Variants in APPBP2 observed in about 807,000 individuals in gnomAD.
APPBP2 encodes the protein amyloid protein-binding protein 2.
Under a neutral mutation model 76.0 loss-of-function variants are expected in APPBP2, and 15 were observed. The ratio of observed to expected loss-of-function variants is 0.20; its 90% CI spans 0.13 to 0.30. APPBP2 has a LOEUF of 0.30. Ranked by LOEUF, APPBP2 falls within the 10% of genes least tolerant of loss-of-function variation. The pLI is 1.00. For missense variants in APPBP2, 401 were observed against 687.2 expected (o/e 0.58, Z 4.66); for synonymous variants, 222 against 242.2 (o/e 0.92, Z 0.77).
chr17:60,453,193 T>C (rs983014151), intron 11 of APPBP2, among the ~76,000 whole-genome samples: 5 of 152,186 alleles, frequency 3.3e-5, no homozygotes, highest in Non-Finnish European at 7.3e-5. Context: ...TACTTTCATA[T>C]ATTAATCTTT....
intron 3 of APPBP2, among the ~76,000 whole-genome samples, chr17:60,490,277 C>T (rs986759506): frequency 1.3e-5 from 2 of 152,146 alleles, no homozygotes; most frequent in African/African-American, 2.4e-5. Flanking sequence ...TATTGCCCTA[C>T]AGTTATATAA....
chr17:60,461,858 G>A lies in APPBP2; in HGVS notation c.888C>T (p.Phe296=). ...AGATATTATCTACATTGAGTAAGTA[G>A]AACCCATAATCTAGCAGTGTATCAG... ...KYSDTLLDYG[F]YLLNVDNICQ... is the part of the protein sequence containing the mutation. Residue 296 remains phenylalanine, a synonymous_variant, in exon 8 of 13, where the codon TTC becomes TTT. Coordinates refer to ENST00000083182, the MANE Select transcript of APPBP2 (RefSeq NM_006380.5). 6.2e-7 allele frequency: 1 copy of A among 1,613,128 alleles called. No homozygotes were observed. Among genetic ancestry groups the A allele is most frequent in the East Asian group, 2.2e-5 (1 of 44,766 alleles).
chr17:60,524,413 T>G (rs1397287299), intron 1 of APPBP2, among the ~76,000 whole-genome samples: 1 of 152,100 alleles, frequency 6.6e-6, no homozygotes, highest in East Asian at 1.9e-4. Flanking sequence ...CAAAATTTCC[T>G]TAGAATACAC....
intron 4 of APPBP2, among the ~76,000 whole-genome samples, chr17:60,474,584 T>C (rs562621295): frequency 1.1e-4 from 17 of 152,352 alleles, no homozygotes; most frequent in African/African-American, 3.8e-4. Flanking sequence ...TACTACTTTG[T>C]TGTTCAAAAT....
Position 60,526,085 on chromosome 17 carries a change from G to A in APPBP2, c.-154C>T. Reference sequence around the variant, plus strand: ...AAGGCACGGCCGCCCTGCCTCCTCCGGGGGCAAACTGAGGGACGGCGGCAG... The same window carrying A: ...AAGGCACGGCCGCCCTGCCTCCTCCAGGGGCAAACTGAGGGACGGCGGCAG... On this transcript the variant is annotated 5_prime_UTR_variant, in exon 1 of 13. Coordinates refer to ENST00000083182, the MANE Select transcript of APPBP2 (RefSeq NM_006380.5). 1 of 689,242 alleles carries A rather than the reference G, an allele frequency of 1.5e-6. No homozygotes were observed. The allele number at this position is 689,242 out of a possible 1,614,324, so 42.7% of individuals were successfully genotyped here. A position where few individuals can be genotyped will look rare whatever the true frequency, so the allele number is the denominator to read the frequency against.
At chr17:60,449,860 A>G (rs112778794) in intron 12 of APPBP2, among the ~76,000 whole-genome samples, 12,477 of 152,012 alleles carry the variant, frequency 0.082, 1,698 homozygotes, top group African/African-American at 0.28. Context: ...TGCACAGTGC[A>G]ATCTCGGCTC....
chr17:60,485,167 C>CT lies in APPBP2; in HGVS notation c.380-5897dup, dbSNP rs538248678. ...ATCAGGGATATTGGTCTAAAATTCT[C>CT]TTTTTTTGTTGTGTCTCTGCCAGGC... On this transcript the variant is annotated intron_variant, in intron 3 of 12. Coordinates refer to ENST00000083182, the MANE Select transcript of APPBP2 (RefSeq NM_006380.5). Among the ~76,000 whole-genome samples, 462 of 152,078 alleles carry CT rather than the reference C, an allele frequency of 3.0e-3. 8 individuals carry two copies. Among genetic ancestry groups the CT allele is most frequent in the Admixed American group, 0.019 (292 of 15,262 alleles).
chr17:60,479,296 T>G lies in APPBP2; in HGVS notation c.380-25A>C, dbSNP rs768443862. On this transcript the variant is annotated intron_variant, in intron 3 of 12. Coordinates refer to ENST00000083182, the MANE Select transcript of APPBP2 (RefSeq NM_006380.5). The stretch of plus-strand genomic sequence containing the variant: ...CCTAAAAAAATAAGAAACACCAATT[T>G]TAGAAAACTTGATAAATAGCCTGCA... 2.5e-6 allele frequency: 4 copies of G among 1,581,340 alleles called. No individual in the cohort carries two copies. The East Asian group carries it at 9.0e-5, about 36-fold the overall frequency.
chr17:60,466,240 G>A, intron 5 of APPBP2, 51 bp downstream of exon 5: 1 of 1,524,228 alleles, frequency 6.6e-7, no homozygotes, highest in Non-Finnish European at 9.0e-7. Flanking sequence ...TTTACCCTCT[G>A]TTTTTATAGG....
intron 4 of APPBP2, among the ~76,000 whole-genome samples, chr17:60,472,115 G>C (rs553242354): frequency 6.6e-6 from 1 of 152,240 alleles, no homozygotes; most frequent in African/African-American, 2.4e-5. Flanking sequence ...AAAAGAGTAA[G>C]ACTCTGTCTC....
chr17:60,454,566 TTAAA>T (rs2090418964), intron 10 of APPBP2, 74 bp from the exon 11 acceptor site: 2 of 935,438 alleles, frequency 2.1e-6, no homozygotes, highest in African/African-American at 3.4e-5. Flanking sequence ...TAATTTAAAC[TTAAA>T]TAATATAAAT....
chr17:60,513,803 CAG>C (rs891558287), intron 1 of APPBP2, among the ~76,000 whole-genome samples: 18 of 151,300 alleles, frequency 1.2e-4, no homozygotes, highest in Non-Finnish European at 5.9e-5. Flanking sequence ...GCAGAGGTTG[CAG>C]ATGCCACTGC....
At chr17:60,497,898 G>A (rs1598366573) in intron 2 of APPBP2, among the ~76,000 whole-genome samples, 1 of 151,978 alleles carries the variant, frequency 6.6e-6, no homozygotes, top group South Asian at 2.1e-4. Flanking sequence ...CAGCACTTTG[G>A]GAGGCCAAGG....
chr17:60,482,663 CTGAG>C (rs950621610), intron 3 of APPBP2, among the ~76,000 whole-genome samples: 2 of 152,090 alleles, frequency 1.3e-5, no homozygotes, highest in African/African-American at 4.8e-5. Flanking sequence ...CAATTCCCAC[CTGAG>C]TGAGAACATG....
chr17:60,447,959 A>C, intron 12 of APPBP2, 125 bp from the exon 13 acceptor site: 1 of 844,358 alleles, frequency 1.2e-6, no homozygotes, highest in South Asian at 1.8e-5. Flanking sequence ...CCCTGAAAGG[A>C]ATAGATATAA....
chr17:60,506,053 A>G (rs1182700905), intron 1 of APPBP2, among the ~76,000 whole-genome samples: 1 of 150,262 alleles, frequency 6.7e-6, no homozygotes, highest in Non-Finnish European at 1.5e-5. Flanking sequence ...TGGCATGATC[A>G]TGACTCACTG....
At position 60,447,668 on chromosome 17, in the gene APPBP2, A is replaced by T; in HGVS notation, c.1671T>A (p.Leu557=). The part of the protein sequence containing the change: ...RDRQYSVTDA[L]EDVSTSPQST... The stretch of plus-strand genomic sequence containing the variant: ...ACTGGGGGCTGGTGCTGACATCTTC[A>T]AGAGCATCTGTCACTGAATATTGCC... The change falls in exon 13 of 13, where the codon CTT becomes CTA. Residue 557 remains leucine, a synonymous_variant. Coordinates refer to ENST00000083182, the MANE Select transcript of APPBP2 (RefSeq NM_006380.5). 6.2e-7 allele frequency: 1 copy of T among 1,614,146 alleles called. No homozygotes were observed. Among genetic ancestry groups the T allele is most frequent in the African/African-American group, 1.3e-5 (1 of 75,072 alleles).
chr17:60,475,501 T>A (rs1301921153), intron 4 of APPBP2, among the ~76,000 whole-genome samples: 2 of 152,108 alleles, frequency 1.3e-5, no homozygotes, highest in Non-Finnish European at 2.9e-5. Context: ...AATTACTTCT[T>A]TTGCCCTTCA....
chr17:60,494,467 T>A lies in APPBP2; in HGVS notation c.378A>T (p.Leu126Phe), dbSNP rs1185957674. 2.5e-6 allele frequency: 4 copies of A among 1,606,370 alleles called. No homozygotes were observed. Residue 126 changes from leucine (L) to phenylalanine (F), a missense_variant and splice_region_variant, in exon 3 of 13, where the codon TTA becomes TTT. By Grantham distance (22) the Leu-to-Phe change is conservative (BLOSUM62 0). Around this residue, in one of 5 missense-constraint regions of APPBP2, gnomAD observed 149 missense variants for 198.4 expected, o/e 0.75. Transcript: ENST00000083182. Reference sequence around the variant, plus strand: ...TACTTCTGTTCCACCATTACTTACCTAAAACAAAGCCAACCTGAATGGCTT... The same window carrying A: ...TACTTCTGTTCCACCATTACTTACCAAAAACAAAGCCAACCTGAATGGCTT... ...KEKAIQVGFV[L>F]GGFLSDAGWY...
Sources: gnomAD v4.1 joint callset for allele counts (sites outside exome capture counted in the v4.1 genomes callset) on GRCh38, gnomAD v4.1.1 for gene constraint, gnomAD v4.1.1 regional missense constraint, MANE v1.5 for transcripts, NCBI Gene and HGNC (gene_info 2026-07-23, HGNC 2026-07-21) for gene names.